FNDC1: variants seen among roughly 807,000 people sequenced by gnomAD.
FNDC1 encodes fibronectin type III domain-containing protein 1.
FNDC1 carries 96 observed loss-of-function variants against 168.0 expected under a neutral mutation model. That is an observed-to-expected ratio of 0.57 (90% CI 0.48 to 0.68). The LOEUF (loss-of-function observed/expected upper bound fraction) is 0.68. Among genes scored for constraint, FNDC1 ranks in the 30% least tolerant of loss-of-function variants. The probability of loss-of-function intolerance (pLI) is 0.00; values close to 1 mark genes in which losing one functional copy is unlikely to be tolerated. For missense variants in FNDC1, 2,587 were observed against 2,482.1 expected, an observed-to-expected ratio of 1.04 and a Z score of -0.90; for synonymous variants, 1,099 against 1,025.9, an observed-to-expected ratio of 1.07 and a Z score of -1.36.
In FNDC1 at chr6:159,239,836, C is replaced by T. The variant is rs749555966; in HGVS notation, c.4500C>T (p.Thr1500=). The change falls in exon 14 of 23, where the codon ACC becomes ACT. Residue 1500 remains threonine (T), a synonymous_variant. Transcript: ENST00000297267. ...GAACCACTACGCGGACAACCACCAC[C>T]ACCACCCCCACACCCACCACTCCCA... ...TVRTTTRTTT[T]TTPTPTTPIP... 1.3e-6 allele frequency: 2 copies of T among 1,546,144 alleles called. No individual in the cohort carries two copies. Among genetic ancestry groups the T allele is most frequent in the African/African-American group, 1.4e-5 (1 of 73,010 alleles).
intron 4 of FNDC1, among the ~76,000 whole-genome samples, chr6:159,201,877 T>C (rs1264345049): frequency 6.6e-6 from 1 of 152,262 alleles, no homozygotes; most frequent in Non-Finnish European, 1.5e-5. Context: ...GTTTTTTGAA[T>C]GACAATAGCT....
At chr6:159,247,909 T>C (rs924349491) in intron 15 of FNDC1, among the ~76,000 whole-genome samples, 2 of 152,210 alleles carry the variant, frequency 1.3e-5, no homozygotes, top group African/African-American at 4.8e-5. Context: ...CTTAAAGGAA[T>C]CTTGTCCACA....
intron 5 of FNDC1, among the ~76,000 whole-genome samples, chr6:159,217,469 G>C (rs994196772): frequency 6.6e-6 from 1 of 152,178 alleles, no homozygotes; most frequent in Non-Finnish European, 1.5e-5. Flanking sequence ...TGTGATGCGG[G>C]CCAAATTCTA....
chr6:159,267,319 A>G (rs1410225828), intron 21 of FNDC1, among the ~76,000 whole-genome samples: 1 of 152,116 alleles, frequency 6.6e-6, no homozygotes, highest in Non-Finnish European at 1.5e-5. Context: ...GTCATATCCC[A>G]GAATTGGGAG....
intron 13 of FNDC1, among the ~76,000 whole-genome samples, chr6:159,239,147 G>A (rs1783337590): frequency 6.6e-6 from 1 of 152,154 alleles, no homozygotes; most frequent in African/African-American, 2.4e-5. Flanking sequence ...TGTTGTTTAT[G>A]TATTGTCTAT....
intron 18 of FNDC1, among the ~76,000 whole-genome samples, chr6:159,260,811 G>C (rs9456386): frequency 5.9e-5 from 9 of 152,220 alleles, no homozygotes; most frequent in Admixed American, 1.3e-4. Context: ...GACTGAAGCG[G>C]AGTCCAGAGT....
At chr6:159,209,811 T>C (rs1782561125) in intron 4 of FNDC1, among the ~76,000 whole-genome samples, 1 of 152,232 alleles carries the variant, frequency 6.6e-6, no homozygotes, top group South Asian at 2.1e-4. Context: ...TTCATCCTTT[T>C]TTTCCTGCTT....
At chr6:159,238,474 G>C (rs765827871) in intron 12 of FNDC1, 80 bp from the exon 13 acceptor site, 2 of 850,086 alleles carry the variant, frequency 2.4e-6, no homozygotes, top group African/African-American at 1.7e-5. Context: ...GAAGCTTCAG[G>C]GGTATATACA....
At chr6:159,179,291 T>C (rs929479487) in intron 1 of FNDC1, among the ~76,000 whole-genome samples, 1 of 152,178 alleles carries the variant, frequency 6.6e-6, no homozygotes, top group Non-Finnish European at 1.5e-5. Flanking sequence ...GGTGAAACCC[T>C]GTCTCTACTA....
intron 22 of FNDC1, among the ~76,000 whole-genome samples, chr6:159,270,457 C>T (rs1777719536): frequency 1.3e-5 from 2 of 152,168 alleles, no homozygotes; most frequent in African/African-American, 4.8e-5. Context: ...TACAGTCCCT[C>T]AGGGTTACTA....
intron 5 of FNDC1, among the ~76,000 whole-genome samples, chr6:159,220,648 T>G (rs540664453): frequency 3.2e-4 from 48 of 152,376 alleles, no homozygotes; most frequent in African/African-American, 1.2e-3. Flanking sequence ...TCAGACTTTA[T>G]GATTCCATAG....
chr6:159,257,806 A>G (rs1037246776), intron 18 of FNDC1, among the ~76,000 whole-genome samples: 1 of 152,194 alleles, frequency 6.6e-6, no homozygotes, highest in African/African-American at 2.4e-5. Flanking sequence ...CTGAGAAAGC[A>G]CTTTTTTAAA....
Position 159,251,292 on chromosome 6 carries a change from TC to T in FNDC1, c.4835-9del, listed in dbSNP as rs1445411158. On this transcript the variant is annotated splice_polypyrimidine_tract_variant and intron_variant, in intron 16 of 22. Transcript: ENST00000297267. ...CAGCAATCCAATTGGTTATCTCTGT[TC>T]TTTTCCAGCTCCTTACGTGACGTAC... 1.9e-6 allele frequency: 3 copies of T among 1,607,518 alleles called. No individual in the cohort carries two copies. The highest frequency in any genetic ancestry group is 2.7e-5 in the African/African-American group (2 of 74,792).
intron 1 of FNDC1, among the ~76,000 whole-genome samples, chr6:159,180,133 T>C (rs1180294654): frequency 6.6e-6 from 1 of 152,194 alleles, no homozygotes; most frequent in Non-Finnish European, 1.5e-5. Context: ...CTGGAATCTG[T>C]AGGGCCAGTC....
At chr6:159,197,266 T>C (rs1458678023) in intron 1 of FNDC1, among the ~76,000 whole-genome samples, 165 bp from the exon 2 acceptor site, 2 of 152,270 alleles carry the variant, frequency 1.3e-5, no homozygotes, top group Non-Finnish European at 2.9e-5. Context: ...TTTGTTTTGT[T>C]GTCACACTGT....
At position 159,200,594 on chromosome 6, in the gene FNDC1, C is replaced by A; in HGVS notation, c.460+13C>A. ...GAAACCGTCACAGGTACTACTTCCT[C>A]CTTCATGTCAGATTCATGTTTTCAC... On this transcript the variant is annotated intron_variant, in intron 4 of 22. Coordinates refer to ENST00000297267, the MANE Select transcript of FNDC1 (RefSeq NM_032532.3). 2 of 1,573,216 alleles carry A rather than the reference C, an allele frequency of 1.3e-6. No homozygotes were observed. Among genetic ancestry groups the A allele is most frequent in the Non-Finnish European group, 1.7e-6 (2 of 1,155,586 alleles).
chr6:159,206,669 G>A (rs934254081), intron 4 of FNDC1, among the ~76,000 whole-genome samples: 5 of 152,168 alleles, frequency 3.3e-5, no homozygotes, highest in East Asian at 1.9e-4. Flanking sequence ...GGGCAAGCCC[G>A]TTTGTTGAAC....
At chr6:159,220,813 C>T (rs1427762580) in intron 5 of FNDC1, among the ~76,000 whole-genome samples, 1 of 152,176 alleles carries the variant, frequency 6.6e-6, no homozygotes, top group Non-Finnish European at 1.5e-5. Flanking sequence ...AAAGGCTGGC[C>T]CTCCCTGTGC....
intron 1 of FNDC1, among the ~76,000 whole-genome samples, chr6:159,174,203 G>A (rs1781717349): frequency 6.6e-6 from 1 of 152,220 alleles, no homozygotes; most frequent in Non-Finnish European, 1.5e-5. Flanking sequence ...ACAAACTTTG[G>A]TGCCTTTGGG....
Sources: gnomAD v4.1 joint callset for allele counts (sites outside exome capture counted in the v4.1 genomes callset) on GRCh38, gnomAD v4.1.1 for gene constraint, MANE v1.5 for transcripts, NCBI Gene and HGNC (gene_info 2026-07-23, HGNC 2026-07-21) for gene names.